The following SLC35B1 variants were observed in gnomAD, a reference collection of about 807,000 sequenced individuals.
SLC35B1 encodes ATP/ADP exchanger ER.
In SLC35B1, 27 loss-of-function variants were observed where a neutral mutation model predicts 36.6. The ratio of observed to expected loss-of-function variants is 0.74; its 90% CI spans 0.54 to 1.02. The LOEUF (loss-of-function observed/expected upper bound fraction) is 1.02, where lower values mean the gene tolerates loss of function less well. SLC35B1 is among the 50% of genes least tolerant of loss of function. SLC35B1 has a pLI of 0.00. For missense variants in SLC35B1, 321 were observed against 383.2 expected (o/e 0.84, Z 1.35); for synonymous variants, 162 against 152.5 (o/e 1.06, Z -0.46).
At chr17:49,704,383 A>T (rs1218802427) in intron 5 of SLC35B1, among the ~76,000 whole-genome samples, 157 bp from the exon 6 acceptor site, 2 of 152,148 alleles carry the variant, frequency 1.3e-5, no homozygotes, top group Non-Finnish European at 2.9e-5. Flanking sequence ...GAAGGTGGGG[A>T]GAGACCATGC....
At chr17:49,703,464 T>C in intron 6 of SLC35B1, 170 bp from the exon 7 acceptor site, 1 of 571,798 alleles carries the variant, frequency 1.7e-6, no homozygotes, top group South Asian at 1.9e-5. Flanking sequence ...GTCTCATCAT[T>C]GATTCTTCTC....
intron 2 of SLC35B1, 132 bp from the exon 3 acceptor site, chr17:49,706,466 A>G: frequency 2.5e-6 from 2 of 805,456 alleles, no homozygotes; most frequent in Non-Finnish European, 3.6e-6. Flanking sequence ...TGTCTGTCAA[A>G]CAAGACACAA....
Position 49,707,905 on chromosome 17 carries a change from G to A in SLC35B1, c.-72C>T. On this transcript the variant is annotated 5_prime_UTR_variant, in exon 1 of 9. Transcript: ENST00000240333. ...GGCAGCAGCGGCGGCGGAGGCGACA[G>A]CTCCAGCCGGACATCGCCGACCGGC... 4 of 1,591,298 alleles carry A rather than the reference G, an allele frequency of 2.5e-6. No homozygotes were observed. Among genetic ancestry groups the A allele is most frequent in the Admixed American group, 1.8e-5 (1 of 54,908 alleles).
At chr17:49,705,442 T>A in intron 4 of SLC35B1, 161 bp from the exon 5 acceptor site, 1 of 699,324 alleles carries the variant, frequency 1.4e-6, no homozygotes. Flanking sequence ...GGCACCTAGA[T>A]AAGGATTGAG....
chr17:49,705,362 G>GAA, intron 4 of SLC35B1, 81 bp from the exon 5 acceptor site: 8 of 1,375,586 alleles, frequency 5.8e-6, no homozygotes, highest in Non-Finnish European at 8.0e-6. Context: ...CAGGAACCAA[G>GAA]AAAAGACTCA....
At position 49,701,229 on chromosome 17, in the gene SLC35B1, C is replaced by T. The variant is rs1598006462; in HGVS notation, c.*229G>A. The T allele has an allele frequency of 2.2e-6, 1 of 461,500 alleles. No homozygotes were observed. Among genetic ancestry groups the T allele is most frequent in the East Asian group, 3.5e-5 (1 of 28,760 alleles). 28.6% of individuals were successfully genotyped at this position (461,500 alleles called of 1,614,324 possible). A position where few individuals can be genotyped will look rare whatever the true frequency, so the allele number is the denominator to read the frequency against. On this transcript the variant is annotated 3_prime_UTR_variant, in exon 9 of 9. Transcript: ENST00000240333. ...AACATCCAGCTCTGCCTCTTCCCTCCCTCTTTTATTTACCATAGACTGCTC... is the reference window on the plus strand; with the variant it reads ...AACATCCAGCTCTGCCTCTTCCCTCTCTCTTTTATTTACCATAGACTGCTC...
chr17:49,702,697 G>A (rs1007222798), intron 8 of SLC35B1, 161 bp downstream of exon 8: 88 of 690,272 alleles, frequency 1.3e-4, no homozygotes, highest in South Asian at 2.7e-4. Flanking sequence ...AGCTGAGATC[G>A]TACCACTGCA....
Position 49,706,351 on chromosome 17 carries a change from A to G in SLC35B1, c.209-17T>C. 4 of 1,297,206 alleles carry G rather than the reference A, an allele frequency of 3.1e-6. No individual in the cohort carries two copies. The highest frequency in any genetic ancestry group is 4.1e-6 in the Non-Finnish European group (4 of 981,190). 80.4% of individuals were successfully genotyped at this position (1,297,206 alleles called of 1,614,324 possible). On this transcript the variant is annotated splice_polypyrimidine_tract_variant and intron_variant, in intron 2 of 8. Transcript: ENST00000240333. ...ACTGGATCACTGGGAGAAGACAAAA[A>G]AAAAAAAAAAAAAAGAAAAGAAAAG...
At chr17:49,702,750 A>T in intron 8 of SLC35B1, 108 bp downstream of exon 8, 1 of 1,294,476 alleles carries the variant, frequency 7.7e-7, no homozygotes, top group South Asian at 1.5e-5. Flanking sequence ...CCGTCTCAAA[A>T]AAAAGAGAAA....
In SLC35B1 at chr17:49,701,468, GTCT is replaced by G; in HGVS notation, c.956_958del (p.Lys319del). 1 of 1,613,094 alleles carries G rather than the reference GTCT, an allele frequency of 6.2e-7. No individual in the cohort carries two copies. The highest frequency in any genetic ancestry group is 8.5e-7 in the Non-Finnish European group (1 of 1,179,112). On this transcript the variant is annotated inframe_deletion, in exon 9 of 9. Transcript: ENST00000240333. ...GTAGTCTCTCTCTTCCTAGTGGGAT[GTCT>G]TCTTAGCTCCTTTCCCAAACTTGGC...
At chr17:49,705,732 G>A in intron 4 of SLC35B1, 134 bp downstream of exon 4, 1 of 826,090 alleles carries the variant, frequency 1.2e-6, no homozygotes, top group Non-Finnish European at 2.1e-6. Context: ...ATGGGCAGCA[G>A]GGAGAGCTGG....
chr17:49,705,218 A>G lies in SLC35B1; in HGVS notation c.434T>C (p.Leu145Pro). 1.9e-6 allele frequency: 3 copies of G among 1,614,256 alleles called. No individual in the cohort carries two copies. The highest frequency in any genetic ancestry group is 2.5e-6 in the Non-Finnish European group (3 of 1,180,036). ...KYPLAKYLCV[L>P]LIVAGVALFM... is the part of the protein sequence containing the mutation. Reference sequence around the variant, plus strand: ...AAGGGCCACTCCAGCCACAATTAACAGCACACACAGGTACTTGGCCAACGG... The same window carrying G: ...AAGGGCCACTCCAGCCACAATTAACGGCACACACAGGTACTTGGCCAACGG... The change falls in exon 5 of 9, where the codon CTG becomes CCG. Residue 145 changes from leucine to proline, a missense_variant. Transcript: ENST00000240333.
chr17:49,704,307 A>T (rs1191263535), intron 5 of SLC35B1, 81 bp from the exon 6 acceptor site: 1 of 1,537,374 alleles, frequency 6.5e-7, no homozygotes, highest in African/African-American at 1.4e-5. Flanking sequence ...TCTCACTCTC[A>T]GGCTCCTTGG....
At chr17:49,707,155 T>A in intron 1 of SLC35B1, 87 bp from the exon 2 acceptor site, 1 of 1,399,134 alleles carries the variant, frequency 7.1e-7, no homozygotes, top group Non-Finnish European at 1.0e-6. Flanking sequence ...CTGAAAACTT[T>A]AAAATTATCT....
Position 49,700,951 on chromosome 17 carries a change from T to C in SLC35B1, c.*507A>G, listed in dbSNP as rs2073345057. The C allele has an allele frequency of 6.5e-6, 1 of 153,778 alleles. No homozygotes were observed. Among genetic ancestry groups the C allele is most frequent in the African/African-American group, 2.4e-5 (1 of 41,372 alleles). The allele number at this position is 153,778 out of a possible 1,614,324, so 9.5% of individuals were successfully genotyped here. A position where few individuals can be genotyped will look rare whatever the true frequency, so the allele number is the denominator to read the frequency against. On this transcript the variant is annotated 3_prime_UTR_variant, in exon 9 of 9. Transcript: ENST00000240333. ...AAGAAAAAGACAGAACACAACTTTG[T>C]TTTTTTAATGAAATATTTGCCCACA...
rs1482313626 is a variant in SLC35B1, at chr17:49,707,199, A to G, written c.105-131T>C. On this transcript the variant is annotated intron_variant, in intron 1 of 8. Coordinates refer to ENST00000240333, the MANE Select transcript of SLC35B1 (RefSeq NM_005827.4). ...TGGATGTAGGCAGAGTTTGTTAAGG[A>G]CCACTAGGCTCATTTGCAAAAGGGG... 4 of 1,307,418 alleles carry G rather than the reference A, an allele frequency of 3.1e-6. No homozygotes were observed. The African/African-American group carries it at 5.9e-5, about 19-fold the overall frequency. The allele number at this position is 1,307,418 out of a possible 1,614,324, so 81.0% of individuals were successfully genotyped here.
At chr17:49,706,065 G>C in intron 3 of SLC35B1, 139 bp downstream of exon 3, 1 of 1,310,270 alleles carries the variant, frequency 7.6e-7, no homozygotes, top group Non-Finnish European at 1.0e-6. Context: ...TAAGTTCTAT[G>C]GTTCTATACA....
At chr17:49,703,324 G>A (rs191703039) in intron 6 of SLC35B1, 30 bp from the exon 7 acceptor site, 34 of 1,364,148 alleles carry the variant, frequency 2.5e-5, no homozygotes, top group Admixed American at 1.4e-4. Context: ...AATGTACGGC[G>A]CATTTTGTGC....
intron 4 of SLC35B1, 92 bp downstream of exon 4, chr17:49,705,771 GGAT>G: frequency 8.3e-7 from 1 of 1,205,384 alleles, no homozygotes; most frequent in Non-Finnish European, 1.2e-6. Context: ...AGCCATGATG[GGAT>G]GATGAAGCCG....
Sources: gnomAD v4.1 joint callset for allele counts (sites outside exome capture counted in the v4.1 genomes callset) on GRCh38, gnomAD v4.1.1 for gene constraint, MANE v1.5 for transcripts, NCBI Gene and HGNC (gene_info 2026-07-23, HGNC 2026-07-21) for gene names.